Variants in ARHGEF26 observed in about 807,000 individuals in gnomAD.
The protein encoded by ARHGEF26 is Rho guanine nucleotide exchange factor (GEF) 26.
Under a neutral mutation model 89.4 loss-of-function variants are expected in ARHGEF26, and 59 were observed. The ratio of observed to expected loss-of-function variants is 0.66; its 90% CI spans 0.54 to 0.82. ARHGEF26 has a LOEUF of 0.82. Among genes scored for constraint, ARHGEF26 ranks in the 40% least tolerant of loss-of-function variants. The probability of loss-of-function intolerance (pLI) is 0.00; values close to 1 mark genes in which losing one functional copy is unlikely to be tolerated. For missense variants in ARHGEF26, 1,234 were observed against 1,085.6 expected (o/e 1.14, Z -1.92); for synonymous variants, 500 against 428.4 (o/e 1.17, Z -2.06).
At chr3:154,255,129 C>G (rs1718413488) in intron 14 of ARHGEF26, among the ~76,000 whole-genome samples, 1 of 152,084 alleles carries the variant, frequency 6.6e-6, no homozygotes, top group African/African-American at 2.4e-5. Context: ...TACTCTCAGC[C>G]TTCTCACTTC....
intron 1 of ARHGEF26, 128 bp downstream of exon 1, chr3:154,121,647 T>G (rs1379423013): frequency 7.3e-6 from 2 of 272,364 alleles, no homozygotes; most frequent in East Asian, 6.7e-5. Context: ...GTCCCAAGTT[T>G]CTTGTGCCTC....
In ARHGEF26 at chr3:154,153,789, A is replaced by T. The variant is rs571823827; in HGVS notation, c.1487+857A>T. Among the ~76,000 whole-genome samples the T allele has an allele frequency of 5.3e-5, 8 of 151,860 alleles. No homozygotes were observed. In the East Asian group the frequency reaches 9.6e-4, roughly 18 times the overall value. Reference sequence around the variant, plus strand: ...TGTAAGAAAATACATGTATATATATATTTTTCTTGTTTTTACTTAAATGTT... The same window carrying T: ...TGTAAGAAAATACATGTATATATATTTTTTTCTTGTTTTTACTTAAATGTT... On this transcript the variant is annotated intron_variant, in intron 6 of 14. Coordinates refer to ENST00000465093, the MANE Select transcript of ARHGEF26 (RefSeq NM_015595.4).
chr3:154,173,855 A>G (rs1712628012), intron 6 of ARHGEF26, among the ~76,000 whole-genome samples: 1 of 152,184 alleles, frequency 6.6e-6, no homozygotes, highest in Non-Finnish European at 1.5e-5. Context: ...TTCTAAATAA[A>G]ACATAAATTT....
intron 6 of ARHGEF26, among the ~76,000 whole-genome samples, chr3:154,186,059 A>C (rs994684650): frequency 1.1e-4 from 16 of 151,978 alleles, no homozygotes; most frequent in Admixed American, 6.6e-4. Context: ...TTAATGAGCT[A>C]ACCTCTCCTT....
chr3:154,124,390 T>TTA lies in ARHGEF26; in HGVS notation c.1084-20_1084-19insTA. ...GCTTTTCCTTTTTTTTTTTTTTTTT[T>TTA]ACTTTTTTTTGTCTCTTAGAAAAAA... is the stretch of plus-strand genomic sequence containing the variant. On this transcript the variant is annotated intron_variant, in intron 2 of 14. Transcript: ENST00000465093. 2 of 1,352,188 alleles carry TTA rather than the reference T, an allele frequency of 1.5e-6. No individual in the cohort carries two copies. The highest frequency in any genetic ancestry group is 2.0e-6 in the Non-Finnish European group (2 of 1,021,352). The allele number at this position is 1,352,188 out of a possible 1,614,324, so 83.8% of individuals were successfully genotyped here. A position where few individuals can be genotyped will look rare whatever the true frequency, so the allele number is the denominator to read the frequency against.
At chr3:154,203,069 CT>C (rs1391899368) in intron 9 of ARHGEF26, among the ~76,000 whole-genome samples, 3 of 152,140 alleles carry the variant, frequency 2.0e-5, no homozygotes, top group African/African-American at 7.2e-5. Flanking sequence ...GCATCCCTGT[CT>C]TGTGCCAGTT....
chr3:154,255,182 C>A (rs372329074), intron 14 of ARHGEF26, 149 bp from the exon 15 acceptor site: 5 of 778,166 alleles, frequency 6.4e-6, no homozygotes, highest in Non-Finnish European at 6.2e-6. Flanking sequence ...TCATTCATTC[C>A]CCCTCGAAAG....
chr3:154,245,099 C>T (rs970890290), intron 12 of ARHGEF26, among the ~76,000 whole-genome samples: 5 of 152,228 alleles, frequency 3.3e-5, no homozygotes, highest in African/African-American at 1.2e-4. Context: ...ACGATCTCGG[C>T]TCACTGCAAC....
At chr3:154,221,132 C>A (rs1716098118) in intron 10 of ARHGEF26, among the ~76,000 whole-genome samples, 1 of 148,150 alleles carries the variant, frequency 6.7e-6, no homozygotes, top group Non-Finnish European at 1.5e-5. Context: ...GACATAAATT[C>A]CTGTTGTGTA....
At chr3:154,240,655 C>G (rs1717434285) in intron 12 of ARHGEF26, 76 bp downstream of exon 12, 2 of 1,326,096 alleles carry the variant, frequency 1.5e-6, no homozygotes, top group Non-Finnish European at 2.1e-6. Flanking sequence ...TTACAGACTT[C>G]CTAAAAACAG....
chr3:154,230,538 G>A (rs1051371029), intron 11 of ARHGEF26, among the ~76,000 whole-genome samples: 1 of 152,108 alleles, frequency 6.6e-6, no homozygotes, highest in African/African-American at 2.4e-5. Context: ...GTAAGCTTTT[G>A]TTGAGTATTT....
intron 6 of ARHGEF26, among the ~76,000 whole-genome samples, chr3:154,176,439 C>T (rs1336878639): frequency 6.6e-6 from 1 of 152,154 alleles, no homozygotes; most frequent in Non-Finnish European, 1.5e-5. Context: ...GACAAACTCC[C>T]AGAAGGTGTG....
chr3:154,242,733 A>ATT (rs1717546060), intron 12 of ARHGEF26, among the ~76,000 whole-genome samples: 1 of 152,176 alleles, frequency 6.6e-6, no homozygotes, highest in South Asian at 2.1e-4. Flanking sequence ...GAAAGAGTCA[A>ATT]TTGATGCAGC....
intron 6 of ARHGEF26, among the ~76,000 whole-genome samples, chr3:154,176,243 G>T (rs1463499123): frequency 1.2e-4 from 19 of 152,204 alleles, no homozygotes; most frequent in Non-Finnish European, 2.9e-5. Flanking sequence ...ACCTGGCTGG[G>T]AGCCAGCTCT....
At chr3:154,138,682 A>G (rs1374064068) in intron 4 of ARHGEF26, among the ~76,000 whole-genome samples, 2 of 152,212 alleles carry the variant, frequency 1.3e-5, no homozygotes, top group Non-Finnish European at 2.9e-5. Context: ...CTACAAAGGC[A>G]GATGTTTCAA....
chr3:154,183,945 C>G (rs1177017827), intron 6 of ARHGEF26, among the ~76,000 whole-genome samples: 2 of 151,004 alleles, frequency 1.3e-5, no homozygotes. Flanking sequence ...ATTATAACGG[C>G]CTTATGGTTT....
At position 154,256,027 on chromosome 3, in the gene ARHGEF26, A is replaced by G; in HGVS notation, c.*554A>G. The G allele has an allele frequency of 3.0e-6, 3 of 985,798 alleles. No individual in the cohort carries two copies. Among genetic ancestry groups the G allele is most frequent in the Non-Finnish European group, 3.6e-6 (3 of 829,930 alleles). The allele number at this position is 985,798 out of a possible 1,614,324, so 61.1% of individuals were successfully genotyped here. The stretch of plus-strand genomic sequence containing the variant: ...CTGTTGTTTTTCTAAACCTCTTCCC[A>G]GGAAGGGGACATTGACACTTGAATT... On this transcript the variant is annotated 3_prime_UTR_variant, in exon 15 of 15. Transcript: ENST00000465093.
intron 6 of ARHGEF26, among the ~76,000 whole-genome samples, chr3:154,171,894 C>T (rs1712465474): frequency 6.6e-6 from 1 of 152,100 alleles, no homozygotes; most frequent in Admixed American, 6.5e-5. Flanking sequence ...GCCAAGAATG[C>T]TGAGAAGGAG....
intron 12 of ARHGEF26, among the ~76,000 whole-genome samples, chr3:154,251,092 CT>C (rs1718120275): frequency 6.6e-6 from 1 of 152,146 alleles, no homozygotes; most frequent in Non-Finnish European, 1.5e-5. Flanking sequence ...TTGAAAATGC[CT>C]GTCTTTCAAG....
Sources: allele counts gnomAD v4.1 joint callset (sites outside exome capture counted in the v4.1 genomes callset), GRCh38; gene constraint gnomAD v4.1.1; transcripts MANE v1.5; gene names NCBI Gene and HGNC (gene_info 2026-07-23, HGNC 2026-07-21).